CSMD3: variants seen among roughly 807,000 people sequenced by gnomAD.
CSMD3 encodes the protein CUB and sushi domain-containing protein 3.
Under a neutral mutation model 435.2 loss-of-function variants are expected in CSMD3, and 177 were observed. That is an observed-to-expected ratio of 0.41 (90% CI 0.36 to 0.46). The LOEUF (loss-of-function observed/expected upper bound fraction) is 0.46, where lower values mean the gene tolerates loss of function less well. Ranked by LOEUF, CSMD3 falls within the 20% of genes least tolerant of loss-of-function variation. The probability of loss-of-function intolerance (pLI) is 0.34; values close to 1 mark genes in which losing one functional copy is unlikely to be tolerated. For missense variants in CSMD3, 4,265 were observed against 4,504.6 expected (o/e 0.95, Z 1.52); for synonymous variants, 1,656 against 1,520.5 (o/e 1.09, Z -2.07).
At chr8:113,205,638 C>A (rs2092762563) in intron 3 of CSMD3, among the ~76,000 whole-genome samples, 1 of 152,106 alleles carries the variant, frequency 6.6e-6, no homozygotes, top group Non-Finnish European at 1.5e-5. Context: ...AATGTGCAGA[C>A]AGAAGCAGCA....
At chr8:112,317,576 G>A (rs1211693870) in intron 47 of CSMD3, among the ~76,000 whole-genome samples, 1 of 151,928 alleles carries the variant, frequency 6.6e-6, no homozygotes, top group Non-Finnish European at 1.5e-5. Context: ...TTACATGAAG[G>A]AAAAAGCTGA....
intron 4 of CSMD3, among the ~76,000 whole-genome samples, chr8:113,111,068 T>C (rs1225201647): frequency 1.3e-5 from 2 of 152,094 alleles, no homozygotes; most frequent in Non-Finnish European, 2.9e-5. Context: ...CCTAATATCA[T>C]CACTATGGAG....
chr8:113,405,919 T>C (rs1198178566), intron 1 of CSMD3, among the ~76,000 whole-genome samples: 2 of 151,730 alleles, frequency 1.3e-5, no homozygotes, highest in African/African-American at 4.8e-5. Context: ...AATGAGAGGA[T>C]TATTTAGAGG....
chr8:112,742,007 CT>C (rs2077323569), intron 13 of CSMD3, among the ~76,000 whole-genome samples: 1 of 151,812 alleles, frequency 6.6e-6, no homozygotes, highest in Non-Finnish European at 1.5e-5. Context: ...AGGAATAACT[CT>C]TCTTAAGAGA....
chr8:113,348,674 G>C (rs1323345320), intron 1 of CSMD3, among the ~76,000 whole-genome samples: 1 of 152,064 alleles, frequency 6.6e-6, no homozygotes, highest in African/African-American at 2.4e-5. Context: ...TTAGTCCTCT[G>C]AATACAGAAG....
At chr8:112,342,115 C>T (rs1247092533) in intron 41 of CSMD3, among the ~76,000 whole-genome samples, 2 of 151,982 alleles carry the variant, frequency 1.3e-5, no homozygotes, top group African/African-American at 4.8e-5. Flanking sequence ...ACATAGATTC[C>T]ACAATTGCAT....
At chr8:112,788,631 G>C (rs2078613396) in intron 13 of CSMD3, among the ~76,000 whole-genome samples, 1 of 151,994 alleles carries the variant, frequency 6.6e-6, no homozygotes, top group Non-Finnish European at 1.5e-5. Context: ...TAATGACTAA[G>C]TCTTTTATAT....
At chr8:112,545,497 A>AAT (rs1554609850) in intron 27 of CSMD3, among the ~76,000 whole-genome samples, 18 of 143,806 alleles carry the variant, frequency 1.3e-4, no homozygotes, top group African/African-American at 3.1e-4. Flanking sequence ...AAAAAAAAAA[A>AAT]AAAAAATAAT....
At chr8:112,973,110 T>A (rs2084718356) in intron 7 of CSMD3, among the ~76,000 whole-genome samples, 1 of 151,990 alleles carries the variant, frequency 6.6e-6, no homozygotes, top group Admixed American at 6.6e-5. Flanking sequence ...AAAAGTCAGA[T>A]CATGCAGTTT....
At chr8:112,381,033 C>A (rs986047460) in intron 37 of CSMD3, among the ~76,000 whole-genome samples, 7 of 152,114 alleles carry the variant, frequency 4.6e-5, no homozygotes, top group Non-Finnish European at 1.0e-4. Context: ...GAATAAAACA[C>A]AGTTTGCAAA....
At chr8:112,224,976 A>G (rs757667304) in intron 70 of CSMD3, 46 bp from the exon 71 acceptor site, 1 of 1,574,196 alleles carries the variant, frequency 6.4e-7, no homozygotes, top group African/African-American at 1.3e-5. Flanking sequence ...TTTCTTCCAG[A>G]AACAGCAGAC....
chr8:112,548,714 G>T (rs1014492941), intron 27 of CSMD3, among the ~76,000 whole-genome samples: 1 of 151,940 alleles, frequency 6.6e-6, no homozygotes, highest in Non-Finnish European at 1.5e-5. Context: ...TTTCAAATCT[G>T]AACACTTGAA....
At chr8:112,898,807 TAAG>T (rs1486053192) in intron 10 of CSMD3, among the ~76,000 whole-genome samples, 1 of 151,288 alleles carries the variant, frequency 6.6e-6, no homozygotes, top group Non-Finnish European at 1.5e-5. Flanking sequence ...ATGATCATTA[TAAG>T]AAGATATGCT....
chr8:113,183,709 T>C (rs1476326506), intron 3 of CSMD3, among the ~76,000 whole-genome samples: 1 of 152,052 alleles, frequency 6.6e-6, no homozygotes, highest in Admixed American at 6.6e-5. Context: ...CTGTTTTATA[T>C]ATAATGTCTT....
intron 13 of CSMD3, 144 bp downstream of exon 13, chr8:112,800,018 T>G: frequency 1.5e-6 from 1 of 659,158 alleles, no homozygotes; most frequent in Non-Finnish European, 2.7e-6. Flanking sequence ...CATTTGTAGT[T>G]AAATTAAGGA....
intron 38 of CSMD3, among the ~76,000 whole-genome samples, chr8:112,366,469 C>T (rs968841579): frequency 5.3e-5 from 8 of 152,174 alleles, no homozygotes; most frequent in South Asian, 4.1e-4. Flanking sequence ...ACAATCTCGG[C>T]GCACTGCAAC....
At chr8:112,356,015 T>C (rs1312633394) in intron 38 of CSMD3, among the ~76,000 whole-genome samples, 1 of 152,108 alleles carries the variant, frequency 6.6e-6, no homozygotes, top group African/African-American at 2.4e-5. Context: ...ATGGCTATGA[T>C]GTAAAAGTCA....
intron 24 of CSMD3, among the ~76,000 whole-genome samples, chr8:112,570,899 T>G (rs1047009730): frequency 1.3e-5 from 2 of 152,192 alleles, no homozygotes; most frequent in African/African-American, 4.8e-5. Context: ...TATAAATGTA[T>G]GTTTTCCCTT....
In CSMD3 at chr8:112,829,769, T is replaced by C. The variant is rs981007463; in HGVS notation, c.1776A>G (p.Glu592=). 2 of 1,609,602 alleles carry C rather than the reference T, an allele frequency of 1.2e-6. No individual in the cohort carries two copies. Among genetic ancestry groups the C allele is most frequent in the Admixed American group, 3.3e-5 (2 of 59,968 alleles). ...NTNKVIQINF[E]EFDLEIGYDT... is the part of the protein sequence containing the mutation. Reference sequence around the variant, plus strand: ...CATAGCCAATCTCCAGATCAAATTCTTCAAAATTTATCTGGATAACCTAGC... The same window carrying C: ...CATAGCCAATCTCCAGATCAAATTCCTCAAAATTTATCTGGATAACCTAGC... Residue 592 remains glutamate, a synonymous_variant, in exon 12 of 71, where the codon GAA becomes GAG. Coordinates refer to ENST00000297405, the MANE Select transcript of CSMD3 (RefSeq NM_198123.2).
Sources: gnomAD v4.1 joint callset for allele counts (sites outside exome capture counted in the v4.1 genomes callset) on GRCh38, gnomAD v4.1.1 for gene constraint, MANE v1.5 for transcripts, NCBI Gene and HGNC (gene_info 2026-07-23, HGNC 2026-07-21) for gene names.